Variants in BAIAP2L1 observed in about 807,000 individuals in gnomAD.
BAIAP2L1 encodes the protein BAR/IMD domain-containing adapter protein 2-like 1.
Under a neutral mutation model 66.3 loss-of-function variants are expected in BAIAP2L1, and 35 were observed. The ratio of observed to expected loss-of-function variants is 0.53; its 90% CI spans 0.40 to 0.70. The LOEUF (loss-of-function observed/expected upper bound fraction) is 0.70, where lower values mean the gene tolerates loss of function less well. BAIAP2L1 is among the 30% of genes least tolerant of loss of function. The pLI, the probability that BAIAP2L1 is intolerant of heterozygous loss-of-function variation, is 0.00. For missense variants in BAIAP2L1, 622 were observed against 656.9 expected (o/e 0.95, Z 0.58); for synonymous variants, 269 against 248.7 (o/e 1.08, Z -0.77).
rs34202570 is a variant in BAIAP2L1 at position 98,331,465 on chromosome 7, C to CTTTT, written c.215-11171_215-11168dup. 4.0e-4 allele frequency among the ~76,000 whole-genome samples: 46 copies of CTTTT among 115,656 alleles called. 1 individual carries two copies. The highest frequency in any genetic ancestry group is 8.5e-4 in the South Asian group (3 of 3,520). 75.9% of individuals were successfully genotyped at this position (115,656 alleles called of 152,430 possible). On this transcript the variant is annotated intron_variant, in intron 3 of 13. Coordinates refer to ENST00000005260, the MANE Select transcript of BAIAP2L1 (RefSeq NM_018842.5). ...ACTGTAGACTAGCAAAAAGAAAAAT[C>CTTTT]TTTTTTTTTTTTTTTTTTTGGAGAC...
intron 1 of BAIAP2L1, among the ~76,000 whole-genome samples, chr7:98,399,174 A>C (rs1803290114): frequency 1.3e-5 from 2 of 152,160 alleles, no homozygotes; most frequent in Non-Finnish European, 2.9e-5. Flanking sequence ...AATTTCTCAA[A>C]TTTCTAAAGA....
chr7:98,295,495 G>A (rs1199336530), intron 12 of BAIAP2L1, among the ~76,000 whole-genome samples: 2 of 152,192 alleles, frequency 1.3e-5, no homozygotes, highest in Non-Finnish European at 2.9e-5. Context: ...CATGCTCTGC[G>A]ATTATGATGG....
intron 3 of BAIAP2L1, among the ~76,000 whole-genome samples, chr7:98,324,273 C>T (rs896490740): frequency 1.3e-5 from 2 of 152,196 alleles, no homozygotes; most frequent in South Asian, 2.1e-4. Flanking sequence ...CAACATAACT[C>T]GAAGACATTT....
intron 1 of BAIAP2L1, among the ~76,000 whole-genome samples, chr7:98,368,561 C>T (rs530900436): frequency 2.0e-5 from 3 of 151,954 alleles, no homozygotes; most frequent in Non-Finnish European, 4.4e-5. Flanking sequence ...TGTGGTGGTG[C>T]GTGCTTGTAA....
intron 10 of BAIAP2L1, chr7:98,306,779 C>A (rs760866052): frequency 1.9e-4 from 88 of 463,398 alleles, no homozygotes; most frequent in Non-Finnish European, 3.1e-4. Context: ...GCGATCATAG[C>A]TCACAGCAGC....
In BAIAP2L1 at chr7:98,400,832, C is replaced by G. The variant is rs768106761; in HGVS notation, c.21G>C (p.Glu7Asp). 8 of 1,546,436 alleles carry G rather than the reference C, an allele frequency of 5.2e-6. No individual in the cohort carries two copies. The African/African-American group carries it at 9.7e-5, about 19-fold the overall frequency. The part of the protein sequence containing the change: MSRGPE[E>D]VNRLTESTYR... Reference sequence around the variant, plus strand: ...AGGTGCTCTCCGTGAGCCGGTTCACCTCCTCGGGCCCCCGGGACATGGCTG... The same window carrying G: ...AGGTGCTCTCCGTGAGCCGGTTCACGTCCTCGGGCCCCCGGGACATGGCTG... Residue 7 changes from glutamate (E) to aspartate (D), a missense_variant, in exon 1 of 14, where the codon GAG becomes GAC. Coordinates refer to ENST00000005260, the MANE Select transcript of BAIAP2L1 (RefSeq NM_018842.5).
intron 3 of BAIAP2L1, 101 bp from the exon 4 acceptor site, chr7:98,320,399 G>C (rs1325912210): frequency 1.2e-6 from 1 of 862,234 alleles, no homozygotes; most frequent in Admixed American, 2.7e-5. Flanking sequence ...GCAAAGGCAC[G>C]ATCTTGGCCC....
At chr7:98,328,799 T>C (rs1801431511) in intron 3 of BAIAP2L1, among the ~76,000 whole-genome samples, 1 of 152,192 alleles carries the variant, frequency 6.6e-6, no homozygotes, top group African/African-American at 2.4e-5. Flanking sequence ...ACACATGTGA[T>C]TGTTCAGCCT....
intron 9 of BAIAP2L1, chr7:98,310,119 G>A (rs959467658): frequency 1.8e-5 from 4 of 224,098 alleles, no homozygotes; most frequent in Non-Finnish European, 3.5e-5. Context: ...CCAAAGGGCT[G>A]GGATTACAGG....
chr7:98,321,598 T>C (rs1472426740), intron 3 of BAIAP2L1, among the ~76,000 whole-genome samples: 1 of 152,192 alleles, frequency 6.6e-6, no homozygotes, highest in Non-Finnish European at 1.5e-5. Context: ...GCCACCTTTC[T>C]ACAGGTGACA....
intron 1 of BAIAP2L1, among the ~76,000 whole-genome samples, chr7:98,369,768 T>A (rs933414591): frequency 6.7e-6 from 1 of 150,202 alleles, no homozygotes; most frequent in Non-Finnish European, 1.5e-5. Flanking sequence ...ACCTCCTGGG[T>A]TCACGCAACT....
intron 12 of BAIAP2L1, among the ~76,000 whole-genome samples, chr7:98,300,720 C>T (rs967163463): frequency 2.0e-5 from 3 of 152,036 alleles, no homozygotes; most frequent in African/African-American, 4.8e-5. Context: ...TGTGAAGGTA[C>T]GAAAGACAGG....
rs1803347297 is a variant in BAIAP2L1, at chr7:98,400,673, A to G, written c.51+129T>C. The G allele has an allele frequency of 6.6e-6, 7 of 1,057,592 alleles. No homozygotes were observed. The African/African-American group carries it at 8.5e-5, about 13-fold the overall frequency. The allele number at this position is 1,057,592 out of a possible 1,614,324, so 65.5% of individuals were successfully genotyped here. ...GAGGGCCAGGGGAGGAGTGGGAGAG[A>G]CCGGGAGAGGTGGAAGGACGCGGGG... On this transcript the variant is annotated intron_variant, in intron 1 of 13. Transcript: ENST00000005260.
At chr7:98,324,207 T>C (rs1389975762) in intron 3 of BAIAP2L1, among the ~76,000 whole-genome samples, 4 of 152,238 alleles carry the variant, frequency 2.6e-5, no homozygotes, top group Admixed American at 2.6e-4. Context: ...GTCATTACAG[T>C]ACTGTGATTC....
intron 1 of BAIAP2L1, among the ~76,000 whole-genome samples, chr7:98,373,035 C>T (rs534636989): frequency 1.3e-4 from 20 of 152,282 alleles, no homozygotes; most frequent in Non-Finnish European, 2.6e-4. Context: ...CCAGCACGCC[C>T]GGTCAAGATC....
At chr7:98,362,083 TGTTA>T (rs1470516508) in intron 2 of BAIAP2L1, among the ~76,000 whole-genome samples, 2 of 152,202 alleles carry the variant, frequency 1.3e-5, no homozygotes, top group South Asian at 4.1e-4. Context: ...ATTTTATATT[TGTTA>T]GTTTACCAAG....
chr7:98,394,609 T>C (rs1803157012), intron 1 of BAIAP2L1, among the ~76,000 whole-genome samples: 1 of 152,186 alleles, frequency 6.6e-6, no homozygotes. Context: ...GAAGAGCAAC[T>C]GGAACTCTCA....
In BAIAP2L1 at chr7:98,312,118, G is replaced by C; in HGVS notation, c.786C>G (p.Pro262=). 1 of 1,607,774 alleles carries C rather than the reference G, an allele frequency of 6.2e-7. No individual in the cohort carries two copies. The highest frequency in any genetic ancestry group is 8.5e-7 in the Non-Finnish European group (1 of 1,178,204). ...TPVSGTPQAS[P]MIERSNVVRK... Reference sequence around the variant, plus strand: ...CTACCACATTGCTTCTCTCGATCATGGGTGAAGCCTGAGGAGTTCCAGACA... The same window carrying C: ...CTACCACATTGCTTCTCTCGATCATCGGTGAAGCCTGAGGAGTTCCAGACA... Residue 262 remains proline, a synonymous_variant, in exon 8 of 14, where the codon CCC becomes CCG. Coordinates refer to ENST00000005260, the MANE Select transcript of BAIAP2L1 (RefSeq NM_018842.5).
chr7:98,363,960 C>T (rs754898576), intron 1 of BAIAP2L1, among the ~76,000 whole-genome samples: 12 of 152,050 alleles, frequency 7.9e-5, no homozygotes, highest in African/African-American at 4.8e-5. Context: ...GTCTTATGCC[C>T]GAGAGCACTT....
Sources: gnomAD v4.1 joint callset for allele counts (sites outside exome capture counted in the v4.1 genomes callset) on GRCh38, gnomAD v4.1.1 for gene constraint, MANE v1.5 for transcripts, NCBI Gene and HGNC (gene_info 2026-07-23, HGNC 2026-07-21) for gene names.